The following ARSG variants were observed in gnomAD, a reference collection of about 807,000 sequenced individuals.
ARSG encodes arylsulfatase G, also known as ASG.
Under a neutral mutation model 50.5 loss-of-function variants are expected in ARSG, and 37 were observed. That is an observed-to-expected ratio of 0.73 (90% CI 0.56 to 0.96). The LOEUF is 0.96. Ranked by LOEUF, ARSG falls within the 50% of genes least tolerant of loss-of-function variation. The pLI is 0.00. For missense variants in ARSG, 629 were observed against 675.3 expected (o/e 0.93, Z 0.76); for synonymous variants, 225 against 254.6 (o/e 0.88, Z 1.11).
At chr17:68,280,372 C>T (rs1173845926) in intron 1 of ARSG, among the ~76,000 whole-genome samples, 2 of 152,000 alleles carry the variant, frequency 1.3e-5, no homozygotes, top group Admixed American at 6.6e-5. Context: ...AGGCATCACA[C>T]TAACAGACCT....
chr17:68,281,395 C>T lies in ARSG; in HGVS notation c.-552+21969C>T, dbSNP rs181693382. ...CATCCTGGCCAACATAGTGAAATCC[C>T]GTCTCTACTAAAAATACAAAAATTA... On this transcript the variant is annotated intron_variant, in intron 1 of 11. Transcript: ENST00000448504. 4.6e-5 allele frequency among the ~76,000 whole-genome samples: 7 copies of T among 151,930 alleles called. No homozygotes were observed. In the East Asian group the frequency reaches 9.8e-4, roughly 21 times the overall value.
the ARSG span, among the ~76,000 whole-genome samples, chr17:68,437,407 TAGTC>T: frequency 6.6e-6 from 1 of 151,768 alleles, no homozygotes; most frequent in Non-Finnish European, 1.5e-5. Flanking sequence ...ATACAAAAAT[TAGTC>T]AGGTGTGGTT....
intron 2 of ARSG, among the ~76,000 whole-genome samples, chr17:68,332,409 T>C (rs2077816518): frequency 6.6e-6 from 1 of 152,172 alleles, no homozygotes; most frequent in Admixed American, 6.5e-5. Flanking sequence ...GTGCAGTTAA[T>C]GCAATCATCA....
intron 1 of ARSG, among the ~76,000 whole-genome samples, chr17:68,296,070 TCAAA>T (rs2076196151): frequency 6.6e-6 from 1 of 152,154 alleles, no homozygotes; most frequent in African/African-American, 2.4e-5. Flanking sequence ...AGACCCTGTC[TCAAA>T]CCAACCAACC....
chr17:68,438,512 TGGAAATCTTACAA>T, the ARSG span, among the ~76,000 whole-genome samples: 17 of 152,146 alleles, frequency 1.1e-4, no homozygotes. Context: ...GTGAAGACTG[TGGAAATCTTACAA>T]GGACTAGCGT....
intron 5 of ARSG, among the ~76,000 whole-genome samples, chr17:68,351,935 G>A (rs1008657620): frequency 6.6e-6 from 1 of 152,106 alleles, no homozygotes; most frequent in Non-Finnish European, 1.5e-5. Context: ...CTCAGCTAGG[G>A]AGAGGCTTGT....
At chr17:68,388,447 C>A (rs2080830034) in intron 9 of ARSG, among the ~76,000 whole-genome samples, 1 of 152,134 alleles carries the variant, frequency 6.6e-6, no homozygotes, top group Admixed American at 6.5e-5. Flanking sequence ...TGAACTCACT[C>A]TGGCTGAGAA....
intron 8 of ARSG, among the ~76,000 whole-genome samples, chr17:68,379,311 G>T (rs781285056): frequency 6.6e-6 from 1 of 151,966 alleles, no homozygotes; most frequent in African/African-American, 2.4e-5. Context: ...TCTGATCATG[G>T]CTCACTGCAG....
At chr17:68,440,075 C>G in the ARSG span, among the ~76,000 whole-genome samples, 3 of 152,276 alleles carry the variant, frequency 2.0e-5, no homozygotes, top group Admixed American at 2.0e-4. Flanking sequence ...ACACTAGATG[C>G]TAACAAGAAA....
At chr17:68,372,877 ATTTTTTTTTTTTTT>A (rs55668215) in intron 8 of ARSG, among the ~76,000 whole-genome samples, 5,644 of 93,714 alleles carry the variant, frequency 0.06, 191 homozygotes, top group East Asian at 0.21. Flanking sequence ...GGAAATGCTG[ATTTTTTTTTTTTTT>A]TTTTTTTTTT....
At chr17:68,436,916 C>T in the ARSG span, among the ~76,000 whole-genome samples, 1 of 151,922 alleles carries the variant, frequency 6.6e-6, no homozygotes, top group Admixed American at 6.6e-5. Context: ...ATCGCTTGAA[C>T]CCAGGAGGCA....
At chr17:68,316,431 T>TGTCC (rs2077073345) in intron 2 of ARSG, among the ~76,000 whole-genome samples, 1 of 152,364 alleles carries the variant, frequency 6.6e-6, no homozygotes, top group Admixed American at 6.5e-5. Context: ...CTGTCTTATT[T>TGTCC]ATGTCTTCAG....
At chr17:68,411,788 C>T (rs374644476) in intron 11 of ARSG, among the ~76,000 whole-genome samples, 55,464 of 146,634 alleles carry the variant, frequency 0.38, 11,945 homozygotes, top group Admixed American at 0.53. Context: ...TCAGGACTTG[C>T]TTTATGAATC....
intron 5 of ARSG, among the ~76,000 whole-genome samples, chr17:68,354,650 G>A (rs146306773): frequency 0.027 from 4,055 of 152,126 alleles, 190 homozygotes; most frequent in Admixed American, 0.1. Flanking sequence ...TTGGGAGGCC[G>A]AGGTGGGTGG....
chr17:68,445,165 C>A, the ARSG span, among the ~76,000 whole-genome samples: 1 of 152,120 alleles, frequency 6.6e-6, no homozygotes, highest in Non-Finnish European at 1.5e-5. Flanking sequence ...GGTGATCTGC[C>A]CGCCTCGGCC....
Position 68,356,692 on chromosome 17 carries a change from G to A in ARSG, c.592G>A (p.Asp198Asn). 1 of 1,614,212 alleles carries A rather than the reference G, an allele frequency of 6.2e-7. No individual in the cohort carries two copies. Among genetic ancestry groups the A allele is most frequent in the Non-Finnish European group, 8.5e-7 (1 of 1,180,034 alleles). ...GAACCTTCAAAGAGACTGTTACACT[G>A]ACGTGGCCCTCCCTCTTTATGAAAA... ...SRNLQRDCYT[D>N]VALPLYENLN... Residue 198 changes from aspartate (D) to asparagine (N), a missense_variant, in exon 6 of 12, where the codon GAC (aspartate) becomes AAC (asparagine). Transcript: ENST00000621439.
chr17:68,333,774 A>C (rs2077893319), intron 2 of ARSG, among the ~76,000 whole-genome samples: 1 of 152,152 alleles, frequency 6.6e-6, no homozygotes, highest in Non-Finnish European at 1.5e-5. Flanking sequence ...AAAGCTGGGT[A>C]GAGATGAATA....
intron 11 of ARSG, among the ~76,000 whole-genome samples, chr17:68,401,836 G>A (rs558499576): frequency 1.3e-5 from 2 of 152,308 alleles, no homozygotes; most frequent in South Asian, 4.1e-4. Flanking sequence ...ATAGATTTTA[G>A]AGGACTAGTT....
intron 1 of ARSG, among the ~76,000 whole-genome samples, chr17:68,275,346 T>TC (rs1285261677): frequency 6.6e-6 from 1 of 152,162 alleles, no homozygotes; most frequent in African/African-American, 2.4e-5. Context: ...AAAAAAGGAT[T>TC]CCATTTTTTT....
Sources: allele counts gnomAD v4.1 joint callset (sites outside exome capture counted in the v4.1 genomes callset), GRCh38; gene constraint gnomAD v4.1.1; transcripts MANE v1.5; gene names NCBI Gene and HGNC (gene_info 2026-07-23, HGNC 2026-07-21).